The following CCAR1 variants were observed in gnomAD, a reference collection of about 807,000 sequenced individuals.
CCAR1 encodes the protein cell division cycle and apoptosis regulator 1, also known as cell division cycle and apoptosis regulator protein 1.
A neutral mutation model predicts 163.8 loss-of-function variants in CCAR1; 78 were observed. The ratio of observed to expected loss-of-function variants is 0.48; its 90% CI spans 0.40 to 0.57. CCAR1 has a LOEUF of 0.57. Ranked by LOEUF, CCAR1 falls within the 20% of genes least tolerant of loss-of-function variation. The probability of loss-of-function intolerance (pLI) is 0.00; values close to 1 mark genes in which losing one functional copy is unlikely to be tolerated. For synonymous variants in CCAR1, 443 were observed against 460.7 expected (o/e 0.96, Z 0.49); for missense variants, 1,019 against 1,365.2 (o/e 0.75, Z 4.00).
chr10:68,786,900 C>G, intron 21 of CCAR1: 2 of 404,362 alleles, frequency 4.9e-6, no homozygotes, highest in Admixed American at 9.7e-5. Context: ...GCTTGGCCAA[C>G]ATGGCGTAGC....
chr10:68,754,866 C>T, intron 12 of CCAR1, 39 bp downstream of exon 12: 1 of 1,077,320 alleles, frequency 9.3e-7, no homozygotes, highest in Admixed American at 1.7e-5. Flanking sequence ...GATGTATTCA[C>T]TTTGCTTAGC....
rs1289711639 is a variant in CCAR1, at chr10:68,722,537, A to T, written c.33A>T (p.Pro11=). Residue 11 remains proline, a synonymous_variant, in exon 2 of 25, where the codon CCA becomes CCT. Coordinates refer to ENST00000265872, the MANE Select transcript of CCAR1 (RefSeq NM_018237.4). MAQFGGQKNP[P]WATQFTATAV... ...AATTTGGAGGACAGAAGAATCCGCCATGGGCTACTCAGTTTACAGCCACTG... is the reference window on the plus strand; with the variant it reads ...AATTTGGAGGACAGAAGAATCCGCCTTGGGCTACTCAGTTTACAGCCACTG... 25 of 1,613,916 alleles carry T rather than the reference A, an allele frequency of 1.5e-5. No homozygotes were observed. Among genetic ancestry groups the T allele is most frequent in the Non-Finnish European group, 2.0e-5 (24 of 1,179,922 alleles).
At chr10:68,782,556 G>A (rs1274541191) in intron 19 of CCAR1, among the ~76,000 whole-genome samples, 1 of 152,178 alleles carries the variant, frequency 6.6e-6, no homozygotes, top group African/African-American at 2.4e-5. Context: ...GCCATCTTAA[G>A]ACTTTCACAG....
At chr10:68,734,835 T>C (rs1462246669) in intron 2 of CCAR1, among the ~76,000 whole-genome samples, 2 of 152,128 alleles carry the variant, frequency 1.3e-5, no homozygotes, top group African/African-American at 4.8e-5. Flanking sequence ...TACCTAAAGT[T>C]TCTGCATTTA....
In CCAR1 at chr10:68,756,577, A is replaced by G. The variant is rs2056399308; in HGVS notation, c.1836+94A>G. 1 of 943,350 alleles carries G rather than the reference A, an allele frequency of 1.1e-6. No homozygotes were observed. The highest frequency in any genetic ancestry group is 1.7e-6 in the Non-Finnish European group (1 of 595,960). The allele number at this position is 943,350 out of a possible 1,614,324, so 58.4% of individuals were successfully genotyped here. A position where few individuals can be genotyped will look rare whatever the true frequency, so the allele number is the denominator to read the frequency against. On this transcript the variant is annotated intron_variant, in intron 14 of 24. Coordinates refer to ENST00000265872, the MANE Select transcript of CCAR1 (RefSeq NM_018237.4). The surrounding 1 kb of genome is among the most constrained non-coding windows in gnomAD (Gnocchi z 5.1). ...ACCACACACTACATAATAAACACAC[A>G]TGGAGGAACATAACTGGTAACAGCG...
At chr10:68,724,750 A>G (rs894968484) in intron 2 of CCAR1, among the ~76,000 whole-genome samples, 1 of 152,188 alleles carries the variant, frequency 6.6e-6, no homozygotes, top group Non-Finnish European at 1.5e-5. Context: ...GTGCCATTGC[A>G]CTACAGTCTG....
chr10:68,725,633 A>G (rs1281564649), intron 2 of CCAR1, among the ~76,000 whole-genome samples: 1 of 152,112 alleles, frequency 6.6e-6, no homozygotes, highest in African/African-American at 2.4e-5. Context: ...ATTCTACAGA[A>G]TGAGATTTTG....
At position 68,756,991 on chromosome 10, in the gene CCAR1, A is replaced by G. The variant is rs1244797415; in HGVS notation, c.1837-303A>G. Reference sequence around the variant, plus strand: ...CTTTGGGTGGCTTGAAAATTGAGGCAAGATCACACACTGTGTGGTTTGTGG... The same window carrying G: ...CTTTGGGTGGCTTGAAAATTGAGGCGAGATCACACACTGTGTGGTTTGTGG... On this transcript the variant is annotated intron_variant, in intron 14 of 24. Transcript: ENST00000265872. This position sits in a 1 kb window ranked among gnomAD's most constrained non-coding sequence, Gnocchi z 5.1. Among the ~76,000 whole-genome samples the G allele has an allele frequency of 6.6e-6, 1 of 152,194 alleles. No individual in the cohort carries two copies. Among genetic ancestry groups the G allele is most frequent in the Non-Finnish European group, 1.5e-5 (1 of 68,038 alleles).
intron 18 of CCAR1, among the ~76,000 whole-genome samples, chr10:68,772,779 ATATG>A (rs1243329414): frequency 6.7e-6 from 1 of 149,258 alleles, no homozygotes; most frequent in East Asian, 1.9e-4. Context: ...AACCATATAT[ATATG>A]TAATAATATA....
intron 10 of CCAR1, among the ~76,000 whole-genome samples, chr10:68,749,917 C>A (rs1169224663): frequency 2.0e-5 from 3 of 152,114 alleles, no homozygotes; most frequent in African/African-American, 7.2e-5. Context: ...CAAGGAAATT[C>A]CTCTGTCATA....
chr10:68,743,855 G>A (rs1305708312), intron 6 of CCAR1, among the ~76,000 whole-genome samples: 1 of 152,124 alleles, frequency 6.6e-6, no homozygotes, highest in Non-Finnish European at 1.5e-5. Context: ...AGTTCAAGTA[G>A]TTCCCTGCCT....
intron 24 of CCAR1, 116 bp from the exon 25 acceptor site, chr10:68,791,091 T>C: frequency 1.9e-6 from 1 of 515,772 alleles, no homozygotes; most frequent in Non-Finnish European, 3.4e-6. Flanking sequence ...ATTAATTTAT[T>C]GTTCTTTATC....
rs1448270937 is a variant in CCAR1 at position 68,753,858 on chromosome 10, T to C, written c.1125T>C (p.Ser375=). 2 of 1,612,144 alleles carry C rather than the reference T, an allele frequency of 1.2e-6. No homozygotes were observed. Among genetic ancestry groups the C allele is most frequent in the Admixed American group, 1.7e-5 (1 of 59,982 alleles). ...QFSKFSLDCP[S]CDMMELRRRY... Reference sequence around the variant, plus strand: ...ACTTATGTCTGTTTTTCAGTCCCAGTTGTGACATGATGGAACTAAGGCGCC... The same window carrying C: ...ACTTATGTCTGTTTTTCAGTCCCAGCTGTGACATGATGGAACTAAGGCGCC... Residue 375 remains serine, a synonymous_variant, in exon 11 of 25, where the codon AGT becomes AGC. Transcript: ENST00000265872.
At chr10:68,732,712 T>C (rs992301819) in intron 2 of CCAR1, among the ~76,000 whole-genome samples, 1 of 152,148 alleles carries the variant, frequency 6.6e-6, no homozygotes, top group African/African-American at 2.4e-5. Context: ...GGATGACAGC[T>C]ATGGATTTAT....
At chr10:68,747,589 C>G (rs2056274154) in intron 8 of CCAR1, 23 bp downstream of exon 8, 1 of 1,592,244 alleles carries the variant, frequency 6.3e-7, no homozygotes, top group Admixed American at 1.7e-5. Context: ...TTGTTTCAGG[C>G]AAATGTATAA....
chr10:68,786,086 A>G, intron 19 of CCAR1, 50 bp from the exon 20 acceptor site: 1 of 1,253,606 alleles, frequency 8.0e-7, no homozygotes, highest in Non-Finnish European at 1.2e-6. Flanking sequence ...TGCCCACTTG[A>G]AAGTATGTGT....
At chr10:68,785,678 C>T (rs1274424081) in intron 19 of CCAR1, among the ~76,000 whole-genome samples, 1 of 152,166 alleles carries the variant, frequency 6.6e-6, no homozygotes, top group African/African-American at 2.4e-5. Context: ...CAGAGTTGTA[C>T]AACCATCACC....
intron 6 of CCAR1, among the ~76,000 whole-genome samples, chr10:68,742,784 TTTTGTATCTTTATTAGA>T (rs2056199074): frequency 6.6e-6 from 1 of 151,396 alleles, no homozygotes; most frequent in African/African-American, 2.4e-5. Context: ...CTCGGCTAAT[TTTTGTATCTTTATTAGA>T]GAATGGGATT....
At chr10:68,772,144 G>A (rs1318896155) in intron 18 of CCAR1, among the ~76,000 whole-genome samples, 2 of 152,040 alleles carry the variant, frequency 1.3e-5, no homozygotes, top group Non-Finnish European at 2.9e-5. Context: ...CTCCCAAAGT[G>A]CTGGTATTAC....
Sources: allele counts gnomAD v4.1 joint callset (sites outside exome capture counted in the v4.1 genomes callset), GRCh38; gene constraint gnomAD v4.1.1; non-coding constraint Gnocchi (gnomAD v3.1); transcripts MANE v1.5; gene names NCBI Gene and HGNC (gene_info 2026-07-23, HGNC 2026-07-21).